DSCAM: variants seen among roughly 807,000 people sequenced by gnomAD.
DSCAM encodes the protein DS cell adhesion molecule.
Under a neutral mutation model 217.7 loss-of-function variants are expected in DSCAM, and 47 were observed. The ratio of observed to expected loss-of-function variants is 0.22; its 90% CI spans 0.17 to 0.28. DSCAM has a LOEUF of 0.28. Ranked by LOEUF, DSCAM falls within the 10% of genes least tolerant of loss-of-function variation. The pLI, the probability that DSCAM is intolerant of heterozygous loss-of-function variation, is 1.00. For missense variants in DSCAM, 2,080 were observed against 2,618.3 expected, an observed-to-expected ratio of 0.79 and a Z score of 4.49; for synonymous variants, 1,056 against 1,015.3, an observed-to-expected ratio of 1.04 and a Z score of -0.76.
intron 19 of DSCAM, among the ~76,000 whole-genome samples, chr21:40,129,669 C>A (rs549111638): frequency 6.6e-6 from 1 of 152,194 alleles, no homozygotes; most frequent in South Asian, 2.1e-4. Context: ...TGGCACACTA[C>A]CATAGGCTAT....
chr21:40,679,623 T>C (rs1384209419), intron 3 of DSCAM, among the ~76,000 whole-genome samples: 1 of 152,254 alleles, frequency 6.6e-6, no homozygotes, highest in East Asian at 1.9e-4. Context: ...TAATGTTTAC[T>C]GCAAATACAT....
At chr21:40,215,254 A>G (rs898648771) in intron 11 of DSCAM, among the ~76,000 whole-genome samples, 5 of 29,088 alleles carry the variant, frequency 1.7e-4, no homozygotes, top group Admixed American at 4.6e-4. Flanking sequence ...AAAAAAAAAA[A>G]AAAAAAAAAA....
chr21:40,503,160 C>G (rs1357263319), intron 3 of DSCAM, among the ~76,000 whole-genome samples: 1 of 152,122 alleles, frequency 6.6e-6, no homozygotes, highest in African/African-American at 2.4e-5. Context: ...AAGAAGAAAC[C>G]AGGGTTTGGA....
chr21:40,353,364 G>T, intron 5 of DSCAM, 101 bp downstream of exon 5: 1 of 1,487,672 alleles, frequency 6.7e-7, no homozygotes, highest in Non-Finnish European at 9.1e-7. Context: ...ACTGTTTTGG[G>T]AGTTAATGGA....
chr21:40,610,955 A>C (rs2089305532), intron 3 of DSCAM, among the ~76,000 whole-genome samples: 1 of 152,154 alleles, frequency 6.6e-6, no homozygotes, highest in Non-Finnish European at 1.5e-5. Context: ...GCTTTGTCCC[A>C]CAAAATATAA....
At chr21:40,833,129 C>A (rs2092025527) in intron 1 of DSCAM, among the ~76,000 whole-genome samples, 1 of 152,104 alleles carries the variant, frequency 6.6e-6, no homozygotes, top group Non-Finnish European at 1.5e-5. Flanking sequence ...GGAAGGCAAA[C>A]AGCGAAAAGT....
rs182829642 is a variant in DSCAM, at chr21:40,698,908, T to C, written c.362-5952A>G. Among the ~76,000 whole-genome samples the C allele has an allele frequency of 2.2e-3, 325 of 150,206 alleles. 2 individuals carry two copies. The highest frequency in any genetic ancestry group is 7.4e-3 in the African/African-American group (304 of 40,922). On this transcript the variant is annotated intron_variant, in intron 2 of 32. Transcript: ENST00000400454. ...AAAAAAAAAAAAGAGTCGCTTCTGC[T>C]GTTCTTCGTGTCTCTGAGTCCATTC...
At chr21:40,135,746 G>A (rs2090201404) in intron 18 of DSCAM, among the ~76,000 whole-genome samples, 1 of 152,180 alleles carries the variant, frequency 6.6e-6, no homozygotes, top group Admixed American at 6.5e-5. Context: ...CAAATGAATA[G>A]CCATGTATTT....
At chr21:40,732,097 C>T (rs1283154929) in intron 1 of DSCAM, among the ~76,000 whole-genome samples, 1 of 152,116 alleles carries the variant, frequency 6.6e-6, no homozygotes, top group African/African-American at 2.4e-5. Flanking sequence ...AAGGCTTCAA[C>T]ATAGTTTTTG....
At chr21:40,699,220 C>T (rs2090628894) in intron 2 of DSCAM, among the ~76,000 whole-genome samples, 1 of 152,180 alleles carries the variant, frequency 6.6e-6, no homozygotes. Context: ...CCACAAACCA[C>T]ATTTACAGAA....
intron 11 of DSCAM, among the ~76,000 whole-genome samples, chr21:40,259,661 CTT>C (rs542106779): frequency 0.017 from 975 of 59,078 alleles, no homozygotes; most frequent in African/African-American, 0.045. Flanking sequence ...GTCAGCCATT[CTT>C]TTTTTTTTTT....
intron 1 of DSCAM, among the ~76,000 whole-genome samples, chr21:40,840,783 G>A (rs900487148): frequency 1.3e-5 from 2 of 152,142 alleles, no homozygotes; most frequent in Non-Finnish European, 2.9e-5. Flanking sequence ...TAGGGACCAG[G>A]AGAGCAAGTC....
chr21:40,055,004 G>A (rs1173791854), intron 29 of DSCAM, among the ~76,000 whole-genome samples: 3 of 152,176 alleles, frequency 2.0e-5, no homozygotes, highest in African/African-American at 7.2e-5. Context: ...TTACTGGAAA[G>A]GAAATATAAG....
At chr21:40,517,361 C>A (rs1197237775) in intron 3 of DSCAM, among the ~76,000 whole-genome samples, 1 of 150,028 alleles carries the variant, frequency 6.7e-6, no homozygotes, top group Non-Finnish European at 1.5e-5. Flanking sequence ...TATATACACA[C>A]ACACATATAC....
chr21:40,454,250 A>G (rs1240204481), intron 3 of DSCAM, among the ~76,000 whole-genome samples: 1 of 152,196 alleles, frequency 6.6e-6, no homozygotes, highest in Non-Finnish European at 1.5e-5. Context: ...TGAAACAATG[A>G]AGGTGTCAGA....
chr21:40,042,418 T>A lies in DSCAM; in HGVS notation c.5639A>T (p.Asp1880Val). The A allele has an allele frequency of 3.1e-6, 5 of 1,614,122 alleles. No individual in the cohort carries two copies. The highest frequency in any genetic ancestry group is 1.6e-4 in the Middle Eastern group (1 of 6,062). The change falls in exon 32 of 33, where the codon GAT (aspartate) becomes GTT (valine). Residue 1880 changes from aspartate to valine, a missense_variant. Asp to Val is a radical substitution (Grantham distance 152, BLOSUM62 -3). Coordinates refer to ENST00000400454, the MANE Select transcript of DSCAM (RefSeq NM_001389.5). ...TGCCATATTCATTACTCTTCCTCCA[T>A]CCTGAGGTTTGGGGGGAGATGCAGT... is the stretch of plus-strand genomic sequence containing the variant. The part of the protein sequence containing the change: ...RFTASPPKPQ[D>V]GGRVMNMAVP...
At chr21:40,686,217 A>ACACACACACACCCTC (rs112835937) in intron 3 of DSCAM, among the ~76,000 whole-genome samples, 105,127 of 146,598 alleles carry the variant, frequency 0.72, 38,695 homozygotes, top group East Asian at 0.87. Context: ...CCACACACAC[A>ACACACACACACCCTC]CACACACACA....
chr21:40,452,274 C>CACACACACACACA (rs1239636245), intron 3 of DSCAM, among the ~76,000 whole-genome samples: 5 of 86,516 alleles, frequency 5.8e-5, no homozygotes, highest in Non-Finnish European at 9.5e-5. Context: ...ACACAGGTAT[C>CACACACACACACA]CTGGAGGTAT....
rs1397352678 is a variant in DSCAM at position 40,306,238 on chromosome 21, CTGTT to C, written c.2062+5839_2062+5842del. ...GGGAGTTCACTCATAATTTGGCTCT[CTGTT>C]TGTCTGTTATTGGTATATAAGAATG... On this transcript the variant is annotated intron_variant, in intron 9 of 32. Transcript: ENST00000400454. Among the ~76,000 whole-genome samples, 35 of 144,442 alleles carry C rather than the reference CTGTT, an allele frequency of 2.4e-4. 2 individuals are homozygous for C. The highest frequency in any genetic ancestry group is 4.0e-4 in the Non-Finnish European group (27 of 67,520). The allele number at this position is 144,442 out of a possible 152,430, so 94.8% of individuals were successfully genotyped here.
Sources: gnomAD v4.1 joint callset for allele counts (sites outside exome capture counted in the v4.1 genomes callset) on GRCh38, gnomAD v4.1.1 for gene constraint, MANE v1.5 for transcripts, NCBI Gene and HGNC (gene_info 2026-07-23, HGNC 2026-07-21) for gene names.